ABCA1: variants seen among roughly 807,000 people sequenced by gnomAD.
ABCA1 encodes ATP binding cassette subfamily A member 1.
A neutral mutation model predicts 262.5 loss-of-function variants in ABCA1; 133 were observed. That is an observed-to-expected ratio of 0.51 (90% CI 0.44 to 0.59). ABCA1 has a LOEUF of 0.59. ABCA1 is among the 20% of genes least tolerant of loss of function. The pLI, the probability that ABCA1 is intolerant of heterozygous loss-of-function variation, is 0.00. For missense variants in ABCA1, 2,452 were observed against 2,777.5 expected (o/e 0.88, Z 2.63); for synonymous variants, 1,022 against 1,043.5 (o/e 0.98, Z 0.40).
At chr9:104,898,585 T>TAAAC in intron 2 of ABCA1, among the ~76,000 whole-genome samples, 1 of 125,950 alleles carries the variant, frequency 7.9e-6, no homozygotes, top group Middle Eastern at 4.0e-3. Context: ...AATAAATAAA[T>TAAAC]AAATAAATAA....
intron 1 of ABCA1, among the ~76,000 whole-genome samples, chr9:104,912,396 C>A (rs557342940): frequency 6.6e-6 from 1 of 152,244 alleles, no homozygotes; most frequent in African/African-American, 2.4e-5. Flanking sequence ...AAGACCCTGT[C>A]TCAAAAATAA....
At chr9:104,886,185 G>A (rs901017819) in intron 3 of ABCA1, among the ~76,000 whole-genome samples, 1 of 144,824 alleles carries the variant, frequency 6.9e-6, no homozygotes, top group African/African-American at 2.5e-5. Flanking sequence ...CTGTTGCCCA[G>A]CAGGAACACT....
chr9:104,918,410 G>C (rs10512336), intron 1 of ABCA1, among the ~76,000 whole-genome samples: 17,067 of 152,022 alleles, frequency 0.11, 1,181 homozygotes, highest in African/African-American at 0.2. Flanking sequence ...TATCAAAGTG[G>C]GTCACAGTCT....
intron 5 of ABCA1, among the ~76,000 whole-genome samples, chr9:104,869,558 C>G (rs1380974885): frequency 1.3e-5 from 2 of 152,120 alleles, no homozygotes; most frequent in Admixed American, 1.3e-4. Flanking sequence ...ATAGACGATG[C>G]CTGCTTCACC....
At chr9:104,893,055 A>T (rs973772219) in intron 2 of ABCA1, among the ~76,000 whole-genome samples, 1 of 152,204 alleles carries the variant, frequency 6.6e-6, no homozygotes, top group Non-Finnish European at 1.5e-5. Context: ...AGCTGAATAA[A>T]ATCACTTATA....
intron 5 of ABCA1, among the ~76,000 whole-genome samples, chr9:104,873,187 T>C (rs1237812287): frequency 1.3e-5 from 2 of 152,248 alleles, no homozygotes; most frequent in East Asian, 1.9e-4. Flanking sequence ...AGAACGTGAA[T>C]TGCAATCACC....
chr9:104,786,247 A>G, intron 48 of ABCA1, 51 bp downstream of exon 48: 2 of 1,416,502 alleles, frequency 1.4e-6, no homozygotes, highest in Non-Finnish European at 2.0e-6. Context: ...CAAAAGAATA[A>G]ATATCAAGCC....
chr9:104,839,029 A>G (rs1018951225), intron 9 of ABCA1, among the ~76,000 whole-genome samples: 1 of 152,112 alleles, frequency 6.6e-6, no homozygotes, highest in African/African-American at 2.4e-5. Flanking sequence ...AAAGTACAAA[A>G]CCTGCCTCAC....
chr9:104,890,999 C>T (rs1346137717), intron 2 of ABCA1, among the ~76,000 whole-genome samples: 1 of 151,962 alleles, frequency 6.6e-6, no homozygotes, highest in Non-Finnish European at 1.5e-5. Context: ...AGCATATATA[C>T]TTTTGTATTC....
At chr9:104,897,967 T>C (rs748289077) in intron 2 of ABCA1, among the ~76,000 whole-genome samples, 1 of 152,218 alleles carries the variant, frequency 6.6e-6, no homozygotes. Flanking sequence ...CACCTCAGAA[T>C]TGCTGTGAGA....
At chr9:104,883,970 G>C (rs181237585) in intron 4 of ABCA1, among the ~76,000 whole-genome samples, 1 of 152,328 alleles carries the variant, frequency 6.6e-6, no homozygotes, top group African/African-American at 2.4e-5. Context: ...TGCAGACATT[G>C]TAGTCTGATG....
rs142342160 is a variant in ABCA1, at chr9:104,832,616, G to A, written c.1467C>T (p.Asn489=). 55 of 1,614,022 alleles carry A rather than the reference G, an allele frequency of 3.4e-5. No homozygotes were observed. Among genetic ancestry groups the A allele is most frequent in the East Asian group, 4.5e-5 (2 of 44,892 alleles). ...GSVYTWREAF[N]ETNQAIRTIS... ...TGGTCCGGATTGCCTGGTTAGTCTC[G>A]TTGAAAGCTTCTCTCCAGGTGTACA... Residue 489 remains asparagine (N), a synonymous_variant, in exon 12 of 50, where the codon AAC becomes AAT. Transcript: ENST00000374736.
In ABCA1 at chr9:104,810,895, A is replaced by G; in HGVS notation, c.4080T>C (p.Ile1360=). Residue 1360 remains isoleucine (I), a synonymous_variant, in exon 29 of 50, where the codon ATT becomes ATC. Transcript: ENST00000374736. ...QIVLPAVFVC[I]ALVFSLIVPP... is the part of the protein sequence containing the mutation. Reference sequence around the variant, plus strand: ...GCACGATCAGGCTGAACACAAGGGCAATGCAGACAAACACAGCTGGCAAGA... The same window carrying G: ...GCACGATCAGGCTGAACACAAGGGCGATGCAGACAAACACAGCTGGCAAGA... 1.9e-6 allele frequency: 3 copies of G among 1,614,246 alleles called. No individual in the cohort carries two copies. The highest frequency in any genetic ancestry group is 1.6e-4 in the Middle Eastern group (1 of 6,062).
chr9:104,799,750 A>G (rs896168693), intron 36 of ABCA1, 69 bp downstream of exon 36: 3 of 1,613,428 alleles, frequency 1.9e-6, no homozygotes, highest in Admixed American at 3.3e-5. Context: ...TGAGATTCAC[A>G]TTTTTCTCCC....
rs1564080923 is a variant in ABCA1 at position 104,791,037 on chromosome 9, G to A, written c.5821-9C>T. 2 of 1,605,552 alleles carry A rather than the reference G, an allele frequency of 1.2e-6. No homozygotes were observed. Among genetic ancestry groups the A allele is most frequent in the African/African-American group, 1.3e-5 (1 of 74,844 alleles). On this transcript the variant is annotated splice_polypyrimidine_tract_variant and intron_variant, in intron 43 of 49. Coordinates refer to ENST00000374736, the MANE Select transcript of ABCA1 (RefSeq NM_005502.4). ...CCCAGGAGCCCAAAGCACTGAAAAG[G>A]AAAGATTAAGTTGTATAAGCAAACT... is the stretch of plus-strand genomic sequence containing the variant.
rs765930445 is a variant in ABCA1 at position 104,799,864 on chromosome 9, T to C, written c.4898A>G (p.Asn1633Ser). 101 of 1,614,028 alleles carry C rather than the reference T, an allele frequency of 6.3e-5. No individual in the cohort carries two copies. The highest frequency in any genetic ancestry group is 8.2e-5 in the Non-Finnish European group (97 of 1,180,030). ...NPSHYGITAF[N>S]HPLNLTKQQL... is the part of the protein sequence containing the mutation. ...CTGCTTGGTGAGATTCAGGGGATGA[T>C]TGAAAGCAGTAATTCCATAATGGCT... The change falls in exon 36 of 50, where the codon AAT becomes AGT. Residue 1633 changes from asparagine to serine, a missense_variant. Transcript: ENST00000374736.
At chr9:104,819,772 G>A (rs1328745625) in intron 21 of ABCA1, 49 bp from the exon 22 acceptor site, 2 of 1,613,698 alleles carry the variant, frequency 1.2e-6, no homozygotes, top group African/African-American at 2.7e-5. Flanking sequence ...CCCAGACAGT[G>A]AGTGAAGGCA....
chr9:104,890,932 T>C (rs1393893752), intron 2 of ABCA1, among the ~76,000 whole-genome samples: 1 of 152,236 alleles, frequency 6.6e-6, no homozygotes, highest in Non-Finnish European at 1.5e-5. Context: ...TAACATCTTT[T>C]GTCTTTTTTC....
At chr9:104,802,681 C>T (rs986176428) in intron 33 of ABCA1, among the ~76,000 whole-genome samples, 8 of 152,204 alleles carry the variant, frequency 5.3e-5, no homozygotes, top group African/African-American at 1.9e-4. Flanking sequence ...AAGGAGCCTT[C>T]GGGCCCCCTG....
Sources: gnomAD v4.1 joint callset for allele counts (sites outside exome capture counted in the v4.1 genomes callset) on GRCh38, gnomAD v4.1.1 for gene constraint, MANE v1.5 for transcripts, NCBI Gene and HGNC (gene_info 2026-07-23, HGNC 2026-07-21) for gene names.